SCOC: variants seen among roughly 807,000 people sequenced by gnomAD.
SCOC encodes short coiled coil protein.
Under a neutral mutation model 9.9 loss-of-function variants are expected in SCOC, and 7 were observed. The observed-to-expected ratio is 0.71, with a 90% confidence interval of 0.40 to 1.33. The LOEUF (loss-of-function observed/expected upper bound fraction) is 1.33. SCOC is among the 40% of genes most tolerant of loss of function. The pLI, the probability that SCOC is intolerant of heterozygous loss-of-function variation, is 0.01. For missense variants in SCOC, 66 were observed against 89.7 expected, an observed-to-expected ratio of 0.74 and a Z score of 1.07; for synonymous variants, 19 against 28.2, an observed-to-expected ratio of 0.67 and a Z score of 1.03.
intron 2 of SCOC, among the ~76,000 whole-genome samples, chr4:140,357,346 C>T (rs114555335): frequency 0.01 from 1,538 of 152,224 alleles, 30 homozygotes; most frequent in African/African-American, 0.035. Flanking sequence ...TTCAAATTTA[C>T]ACTTATATTC....
chr4:140,354,686 G>C (rs1727134749), intron 2 of SCOC, among the ~76,000 whole-genome samples: 1 of 151,402 alleles, frequency 6.6e-6, no homozygotes, highest in Non-Finnish European at 1.5e-5. Context: ...AAAGCAAACT[G>C]CATGTTCTAA....
chr4:140,375,576 AATAAG>A (rs1560730366), intron 1 of SCOC, among the ~76,000 whole-genome samples: 1 of 152,318 alleles, frequency 6.6e-6, no homozygotes, highest in South Asian at 2.1e-4. Context: ...ATAACTGTAA[AATAAG>A]ATAGGGGCAT....
At chr4:140,278,304 C>G (rs987258462) in intron 1 of SCOC, among the ~76,000 whole-genome samples, 3 of 143,198 alleles carry the variant, frequency 2.1e-5, no homozygotes, top group African/African-American at 7.7e-5. Flanking sequence ...TCTCTGAAGC[C>G]TTTTTTTTTT....
chr4:140,343,836 G>T, intron 2 of SCOC: 1 of 562,560 alleles, frequency 1.8e-6, no homozygotes, highest in Non-Finnish European at 3.0e-6. Flanking sequence ...AAAAAATATA[G>T]TTACAAAAAC....
intron 2 of SCOC, among the ~76,000 whole-genome samples, chr4:140,351,678 C>A (rs1018993241): frequency 6.6e-6 from 1 of 151,776 alleles, no homozygotes; most frequent in Non-Finnish European, 1.5e-5. Flanking sequence ...TGAAAGCAGC[C>A]CGGGTTTGAA....
intron 1 of SCOC, among the ~76,000 whole-genome samples, chr4:140,327,334 T>G (rs1373548014): frequency 6.6e-6 from 1 of 152,134 alleles, no homozygotes; most frequent in Non-Finnish European, 1.5e-5. Context: ...CAAACACCAC[T>G]CTCAGGTGGG....
At chr4:140,319,287 C>G (rs534295511) in intron 1 of SCOC, among the ~76,000 whole-genome samples, 5 of 152,214 alleles carry the variant, frequency 3.3e-5, no homozygotes, top group African/African-American at 1.2e-4. Context: ...GATGGGGTTT[C>G]TCCATGTTGG....
chr4:140,373,356 G>T, upstream of SCOC: 1 of 1,435,950 alleles, frequency 7.0e-7, no homozygotes, highest in Non-Finnish European at 9.1e-7. Flanking sequence ...TTTCCTGATA[G>T]ACCTGATGAG....
intron 1 of SCOC, among the ~76,000 whole-genome samples, chr4:140,319,300 AGGCT>A (rs1732428004): frequency 6.6e-6 from 1 of 152,132 alleles, no homozygotes; most frequent in Non-Finnish European, 1.5e-5. Context: ...CATGTTGGTC[AGGCT>A]GGTCTCACAC....
chr4:140,304,923 C>G (rs1731923398), intron 1 of SCOC, among the ~76,000 whole-genome samples: 1 of 152,168 alleles, frequency 6.6e-6, no homozygotes, highest in Non-Finnish European at 1.5e-5. Flanking sequence ...ATGATGTAGA[C>G]ACGTGTTCTA....
chr4:140,341,807 A>C (rs1270965857), upstream of SCOC, among the ~76,000 whole-genome samples: 3 of 152,162 alleles, frequency 2.0e-5, no homozygotes, highest in African/African-American at 4.8e-5. Flanking sequence ...CCAGTAACTA[A>C]GTGCTGTGTG....
chr4:140,333,300 A>C (rs1369987255), intron 1 of SCOC, among the ~76,000 whole-genome samples: 12 of 151,782 alleles, frequency 7.9e-5, no homozygotes. Flanking sequence ...TCTTCATAGC[A>C]CTTCTCTCCT....
chr4:140,281,404 A>C (rs1310632255), intron 1 of SCOC, among the ~76,000 whole-genome samples: 1 of 152,216 alleles, frequency 6.6e-6, no homozygotes, highest in African/African-American at 2.4e-5. Flanking sequence ...TGAGTCCCTC[A>C]TATGTTCACA....
chr4:140,345,459 T>C (rs1726695406), intron 2 of SCOC, among the ~76,000 whole-genome samples: 1 of 152,224 alleles, frequency 6.6e-6, no homozygotes, highest in Admixed American at 6.5e-5. Context: ...AAAGACACCA[T>C]GTTTCTTTGG....
chr4:140,322,075 C>T (rs929578835), intron 1 of SCOC, among the ~76,000 whole-genome samples: 4 of 152,144 alleles, frequency 2.6e-5, no homozygotes, highest in East Asian at 1.9e-4. Context: ...ACTTGCCAAC[C>T]TCTAGAACTG....
chr4:140,265,875 C>T (rs1730720463), intron 1 of SCOC, among the ~76,000 whole-genome samples: 1 of 152,216 alleles, frequency 6.6e-6, no homozygotes, highest in South Asian at 2.1e-4. Flanking sequence ...GAACTCTTCT[C>T]TCTCCCGCTG....
chr4:140,346,261 G>A (rs1726734866), intron 2 of SCOC, among the ~76,000 whole-genome samples: 1 of 152,152 alleles, frequency 6.6e-6, no homozygotes, highest in South Asian at 2.1e-4. Context: ...AAGGATTATA[G>A]GCCCTAATGG....
At chr4:140,350,959 G>C (rs1354723286) in intron 2 of SCOC, among the ~76,000 whole-genome samples, 1 of 151,974 alleles carries the variant, frequency 6.6e-6, no homozygotes, top group African/African-American at 2.4e-5. Flanking sequence ...GGAGGCTGAG[G>C]CCGGCAGATC....
intron 1 of SCOC, among the ~76,000 whole-genome samples, chr4:140,378,066 C>A (rs1728416959): frequency 6.6e-6 from 1 of 151,906 alleles, no homozygotes; most frequent in Non-Finnish European, 1.5e-5. Flanking sequence ...ATTTTTTGTT[C>A]TAATATTTAG....
Sources: allele counts gnomAD v4.1 joint callset (sites outside exome capture counted in the v4.1 genomes callset), GRCh38; gene constraint gnomAD v4.1.1; transcripts MANE v1.5; gene names NCBI Gene and HGNC (gene_info 2026-07-23, HGNC 2026-07-21).